Variants in LRMDA observed in about 807,000 individuals in gnomAD.
LRMDA encodes the protein leucine-rich melanocyte differentiation-associated protein.
LRMDA carries 18 observed loss-of-function variants against 29.8 expected under a neutral mutation model. That is an observed-to-expected ratio of 0.60 (90% CI 0.42 to 0.90). LRMDA has a LOEUF of 0.90. Ranked by LOEUF, LRMDA falls within the 40% of genes least tolerant of loss-of-function variation. The pLI is 0.00. For missense variants in LRMDA, 273 were observed against 273.9 expected (o/e 1.00, Z 0.02); for synonymous variants, 125 against 109.4 (o/e 1.14, Z -0.89).
At chr10:75,484,066 C>G (rs996347843) in intron 2 of LRMDA, among the ~76,000 whole-genome samples, 1 of 152,060 alleles carries the variant, frequency 6.6e-6, no homozygotes, top group Non-Finnish European at 1.5e-5. Flanking sequence ...AGCAATCCTC[C>G]CACTTCAGCC....
intron 5 of LRMDA, among the ~76,000 whole-genome samples, chr10:76,220,997 A>G (rs1339704841): frequency 1.3e-5 from 2 of 152,230 alleles, no homozygotes; most frequent in Non-Finnish European, 2.9e-5. Context: ...AATCCAGCAT[A>G]TAAAAAGAAC....
intron 5 of LRMDA, among the ~76,000 whole-genome samples, chr10:76,163,585 G>A (rs1265984573): frequency 6.6e-6 from 1 of 152,044 alleles, no homozygotes; most frequent in Non-Finnish European, 1.5e-5. Flanking sequence ...ATCTTTCTAT[G>A]TAATTCATAC....
chr10:76,362,063 CG>C, intron 6 of LRMDA, among the ~76,000 whole-genome samples: 1 of 152,152 alleles, frequency 6.6e-6, no homozygotes. Flanking sequence ...CAGAGGGGAC[CG>C]GAGAGGCTCC....
intron 2 of LRMDA, among the ~76,000 whole-genome samples, chr10:75,946,960 C>G (rs1422441589): frequency 2.0e-5 from 3 of 152,162 alleles, no homozygotes; most frequent in Non-Finnish European, 4.4e-5. Context: ...CTGAAAGGAA[C>G]AGGAAGCCAC....
intron 6 of LRMDA, among the ~76,000 whole-genome samples, chr10:76,428,899 T>C (rs1479919230): frequency 6.6e-6 from 1 of 152,154 alleles, no homozygotes; most frequent in Non-Finnish European, 1.5e-5. Context: ...AAAGAAGTTT[T>C]ACTCTGTTAT....
intron 2 of LRMDA, among the ~76,000 whole-genome samples, chr10:76,011,474 G>T (rs1247163448): frequency 6.6e-6 from 1 of 152,304 alleles, no homozygotes; most frequent in Middle Eastern, 3.4e-3. Flanking sequence ...GAGCCAGTGT[G>T]TGACCATGAG....
At position 76,260,612 on chromosome 10, in the gene LRMDA, G is replaced by T. The variant is rs575472206; in HGVS notation, c.517-63789G>T. Among the ~76,000 whole-genome samples the T allele has an allele frequency of 3.3e-5, 5 of 152,150 alleles. 1 individual carries two copies. Among genetic ancestry groups the T allele is most frequent in the African/African-American group, 9.6e-5 (4 of 41,526 alleles). On this transcript the variant is annotated intron_variant, in intron 5 of 6. Coordinates refer to ENST00000611255, the MANE Select transcript of LRMDA (RefSeq NM_001305581.2). The stretch of plus-strand genomic sequence containing the variant: ...GATGCTTTTCTCTTGCTGTTTTTAG[G>T]ATTCAATCTTTGACTTTGACTTTTG...
intron 2 of LRMDA, among the ~76,000 whole-genome samples, chr10:75,863,534 G>A (rs1844968337): frequency 6.6e-6 from 1 of 152,198 alleles, no homozygotes; most frequent in African/African-American, 2.4e-5. Flanking sequence ...TACCGGCTGT[G>A]TGGCCTAGGT....
intron 2 of LRMDA, among the ~76,000 whole-genome samples, chr10:75,801,329 T>G (rs2132261278): frequency 6.6e-6 from 1 of 152,232 alleles, no homozygotes; most frequent in East Asian, 1.9e-4. Flanking sequence ...GACATCTGGC[T>G]TTTCAAGGCA....
chr10:76,297,816 C>G (rs1405714891), intron 5 of LRMDA, among the ~76,000 whole-genome samples: 1 of 152,176 alleles, frequency 6.6e-6, no homozygotes, highest in African/African-American at 2.4e-5. Flanking sequence ...TGGAGTCTTT[C>G]ATCCAGAGAG....
intron 5 of LRMDA, among the ~76,000 whole-genome samples, chr10:76,241,568 G>A (rs1208661796): frequency 6.6e-6 from 1 of 152,072 alleles, no homozygotes; most frequent in Non-Finnish European, 1.5e-5. Flanking sequence ...AGTTTCTGTG[G>A]GCATTGACTG....
intron 5 of LRMDA, among the ~76,000 whole-genome samples, chr10:76,157,722 T>C (rs1055116894): frequency 6.6e-6 from 1 of 151,354 alleles, no homozygotes; most frequent in Non-Finnish European, 1.5e-5. Context: ...ATAAAAAAAA[T>C]TATGTGTATG....
At chr10:76,231,087 A>T (rs1852049971) in intron 5 of LRMDA, among the ~76,000 whole-genome samples, 1 of 152,288 alleles carries the variant, frequency 6.6e-6, no homozygotes, top group South Asian at 2.1e-4. Context: ...GCTGCCTCCG[A>T]GCAAAGGCAT....
intron 2 of LRMDA, among the ~76,000 whole-genome samples, chr10:75,822,565 C>T (rs1844180803): frequency 1.3e-5 from 2 of 152,028 alleles, no homozygotes; most frequent in Admixed American, 1.3e-4. Context: ...TCAAATTATA[C>T]TACAAGGCTA....
At chr10:76,057,664 A>G (rs568699209) in intron 4 of LRMDA, among the ~76,000 whole-genome samples, 5 of 152,288 alleles carry the variant, frequency 3.3e-5, no homozygotes, top group African/African-American at 1.2e-4. Context: ...TATGCTGAGG[A>G]GGCTGGGTAT....
At chr10:75,911,006 A>G (rs956326612) in intron 2 of LRMDA, among the ~76,000 whole-genome samples, 2 of 150,388 alleles carry the variant, frequency 1.3e-5, no homozygotes, top group East Asian at 2.2e-4. Flanking sequence ...TCACTATTAA[A>G]CAGCATTTTT....
rs149326429 is a variant in LRMDA, at chr10:76,175,036, G to A, written c.516+116253G>A. ...CTCAGGAGGCTAAGGCAGGAGAATC[G>A]CTTCAACCTGGGGAGGCAGAGATTG... On this transcript the variant is annotated intron_variant, in intron 5 of 6. Coordinates refer to ENST00000611255, the MANE Select transcript of LRMDA (RefSeq NM_001305581.2). Among the ~76,000 whole-genome samples the A allele has an allele frequency of 1.9e-3, 293 of 152,232 alleles. 1 individual carries two copies. Among genetic ancestry groups the A allele is most frequent in the African/African-American group, 6.5e-3 (268 of 41,532 alleles).
At chr10:75,825,155 G>A (rs925791384) in intron 2 of LRMDA, among the ~76,000 whole-genome samples, 4 of 152,160 alleles carry the variant, frequency 2.6e-5, no homozygotes, top group Admixed American at 6.5e-5. Context: ...ACCCGAGACC[G>A]CCCTATGGGC....
intron 2 of LRMDA, among the ~76,000 whole-genome samples, chr10:75,738,369 G>C (rs72809487): frequency 2.0e-5 from 3 of 152,164 alleles, no homozygotes; most frequent in African/African-American, 7.2e-5. Context: ...TTTCACAGAG[G>C]CCTCTCCTTT....
Sources: gnomAD v4.1 joint callset for allele counts (sites outside exome capture counted in the v4.1 genomes callset) on GRCh38, gnomAD v4.1.1 for gene constraint, MANE v1.5 for transcripts, NCBI Gene and HGNC (gene_info 2026-07-23, HGNC 2026-07-21) for gene names.